Variants in FAM13A observed in about 807,000 individuals in gnomAD.
FAM13A encodes protein FAM13A.
In FAM13A, 76 loss-of-function variants were observed where a neutral mutation model predicts 129.6. The ratio of observed to expected loss-of-function variants is 0.59; its 90% CI spans 0.49 to 0.71. The LOEUF is 0.71. FAM13A is among the 30% of genes least tolerant of loss of function. The probability of loss-of-function intolerance (pLI) is 0.00; values close to 1 mark genes in which losing one functional copy is unlikely to be tolerated. For synonymous variants in FAM13A, 443 were observed against 449.9 expected (o/e 0.98, Z 0.20); for missense variants, 1,108 against 1,249.3 (o/e 0.89, Z 1.70).
chr4:88,877,039 A>G (rs779501146), intron 6 of FAM13A, among the ~76,000 whole-genome samples: 1 of 152,248 alleles, frequency 6.6e-6, no homozygotes, highest in Non-Finnish European at 1.5e-5. Flanking sequence ...AATAGAAAAT[A>G]TAAATTGTAA....
At chr4:88,766,241 G>A (rs189152674) in intron 13 of FAM13A, among the ~76,000 whole-genome samples, 2 of 152,324 alleles carry the variant, frequency 1.3e-5, no homozygotes, top group African/African-American at 4.8e-5. Context: ...GAAGATGGCA[G>A]TGAAAGGATA....
At chr4:88,986,405 A>AT (rs1368467129) in intron 4 of FAM13A, among the ~76,000 whole-genome samples, 2 of 152,258 alleles carry the variant, frequency 1.3e-5, no homozygotes, top group African/African-American at 4.8e-5. Context: ...AAGTGGTGGG[A>AT]TTACAGGCAT....
chr4:88,936,850 A>G (rs963330192), intron 5 of FAM13A: 1 of 152,126 alleles, frequency 6.6e-6, no homozygotes, highest in African/African-American at 2.4e-5. Context: ...GTACATATTT[A>G]TGGGGTATAT....
In FAM13A at chr4:88,749,854, C is replaced by T. The variant is rs765215173; in HGVS notation, c.1996G>A (p.Ala666Thr). Residue 666 changes from alanine to threonine, a missense_variant, in exon 16 of 24, where the codon GCC becomes ACC. Physicochemically the swap from Ala to Thr is moderately conservative, Grantham distance 58. Around this residue, in one of 3 missense-constraint regions of FAM13A, gnomAD observed 529 missense variants for 621.2 expected, o/e 0.85. Coordinates refer to ENST00000264344, the MANE Select transcript of FAM13A (RefSeq NM_014883.4). Reference protein sequence around the residue: ...YDDEQEDLTPAQLTRRIQSLK... With the variant: ...YDDEQEDLTPTQLTRRIQSLK... ...CTCTGAATCCTTCGTGTGAGCTGGG[C>T]AGGTGTCAGGTCCTCTTGCTCATCA... 6.2e-7 allele frequency: 1 copy of T among 1,614,008 alleles called. No homozygotes were observed. The highest frequency in any genetic ancestry group is 1.1e-5 in the South Asian group (1 of 91,074).
At chr4:89,032,419 C>A (rs1037772257) in intron 1 of FAM13A, among the ~76,000 whole-genome samples, 10 of 152,196 alleles carry the variant, frequency 6.6e-5, no homozygotes, top group Middle Eastern at 3.4e-3. Flanking sequence ...TAGGTTCCCA[C>A]ATAACAAAGA....
intron 4 of FAM13A, among the ~76,000 whole-genome samples, chr4:88,956,851 T>A (rs1757824417): frequency 6.6e-6 from 1 of 152,176 alleles, no homozygotes; most frequent in African/African-American, 2.4e-5. Flanking sequence ...TATATTGAGC[T>A]TATAATACAG....
intron 21 of FAM13A, among the ~76,000 whole-genome samples, chr4:88,735,814 T>C (rs775761738): frequency 2.0e-5 from 3 of 152,162 alleles, no homozygotes; most frequent in African/African-American, 4.8e-5. Flanking sequence ...ATTTTGACCA[T>C]GATGTGGGCC....
rs190156513 is a variant in FAM13A, at chr4:88,886,542, C to G, written c.843+19837G>C. On this transcript the variant is annotated intron_variant, in intron 6 of 23. Coordinates refer to ENST00000264344, the MANE Select transcript of FAM13A (RefSeq NM_014883.4). ...GGCAGAGGTTGCAGTGAGCCAAGAT[C>G]GCACCACTGCACTCCAGCCTGGATG... 3.3e-5 allele frequency among the ~76,000 whole-genome samples: 5 copies of G among 151,848 alleles called. No individual in the cohort carries two copies. In the East Asian group the frequency reaches 9.7e-4, roughly 30 times the overall value.
At chr4:88,990,012 T>C (rs1408650822) in intron 4 of FAM13A, 1 of 152,152 alleles carries the variant, frequency 6.6e-6, no homozygotes, top group Non-Finnish European at 1.5e-5. Context: ...TAGTGGATCC[T>C]GCATCTGAGA....
chr4:88,813,616 A>G (rs958427374), intron 7 of FAM13A, among the ~76,000 whole-genome samples: 1 of 152,226 alleles, frequency 6.6e-6, no homozygotes. Context: ...TAACAGACAC[A>G]TAATTTCCCA....
intron 7 of FAM13A, among the ~76,000 whole-genome samples, chr4:88,806,388 T>G (rs1026556678): frequency 1.3e-5 from 2 of 152,216 alleles, no homozygotes; most frequent in Non-Finnish European, 2.9e-5. Flanking sequence ...TTTTTAATTT[T>G]CTTAAGCATC....
intron 6 of FAM13A, among the ~76,000 whole-genome samples, chr4:88,888,506 T>A (rs921518498): frequency 6.6e-6 from 1 of 152,112 alleles, no homozygotes; most frequent in Non-Finnish European, 1.5e-5. Context: ...CATTTTTGAG[T>A]GAACTTACTG....
chr4:89,050,215 T>G (rs1771388304), intron 1 of FAM13A, among the ~76,000 whole-genome samples: 1 of 151,942 alleles, frequency 6.6e-6, no homozygotes. Context: ...TCTCTTTTTT[T>G]TTCTTTTTTT....
chr4:88,824,657 A>G (rs1732651520), intron 7 of FAM13A, among the ~76,000 whole-genome samples: 1 of 152,150 alleles, frequency 6.6e-6, no homozygotes, highest in African/African-American at 2.4e-5. Context: ...ATATATTTCC[A>G]TACCATTTTT....
At chr4:88,746,035 G>A (rs748939816) in intron 19 of FAM13A, among the ~76,000 whole-genome samples, 3 of 152,110 alleles carry the variant, frequency 2.0e-5, no homozygotes, top group Non-Finnish European at 4.4e-5. Flanking sequence ...TTAGAGTCTA[G>A]TGAATTATTC....
chr4:88,878,064 C>G (rs976800312), intron 6 of FAM13A, among the ~76,000 whole-genome samples: 2 of 151,852 alleles, frequency 1.3e-5, no homozygotes, highest in African/African-American at 4.8e-5. Context: ...CCGAGGCGGG[C>G]GGATCACGAG....
intron 1 of FAM13A, among the ~76,000 whole-genome samples, chr4:89,049,746 C>T (rs1166976264): frequency 6.6e-6 from 1 of 152,164 alleles, no homozygotes; most frequent in Non-Finnish European, 1.5e-5. Flanking sequence ...ACCTCCACCT[C>T]CCAGGTTCAA....
intron 5 of FAM13A, among the ~76,000 whole-genome samples, chr4:88,922,101 G>T (rs1244438659): frequency 6.6e-6 from 1 of 151,646 alleles, no homozygotes; most frequent in African/African-American, 2.4e-5. Context: ...TAATAATAAT[G>T]GGAGATTTTA....
intron 4 of FAM13A, among the ~76,000 whole-genome samples, chr4:88,946,373 TTGC>T (rs1033573040): frequency 1.3e-5 from 2 of 149,924 alleles, no homozygotes; most frequent in African/African-American, 4.9e-5. Context: ...AAAGCTGGCC[TTGC>T]TGAGAGATCA....
Sources: allele counts gnomAD v4.1 joint callset (sites outside exome capture counted in the v4.1 genomes callset), GRCh38; gene constraint gnomAD v4.1.1; regional missense constraint gnomAD v4.1.1; transcripts MANE v1.5; gene names NCBI Gene and HGNC (gene_info 2026-07-23, HGNC 2026-07-21).